Variants in NR3C2 observed in about 807,000 individuals in gnomAD.
NR3C2 encodes the protein mineralocorticoid receptor.
NR3C2 carries 15 observed loss-of-function variants against 86.4 expected under a neutral mutation model. The observed-to-expected ratio is 0.17, with a 90% CI of 0.12 to 0.27. NR3C2 has a LOEUF of 0.27. Ranked by LOEUF, NR3C2 falls within the 10% of genes least tolerant of loss-of-function variation. The pLI, the probability that NR3C2 is intolerant of heterozygous loss-of-function variation, is 1.00. For missense variants in NR3C2, 960 were observed against 1,195.6 expected (o/e 0.80, Z 2.91); for synonymous variants, 458 against 450.5 (o/e 1.02, Z -0.21).
chr4:148,295,718 C>G lies in NR3C2; in HGVS notation c.1758-35601G>C, dbSNP rs1156666320. ...ACATGTCTACTGCCTCCCATTAGAA[C>G]CTAAGCTCAATCAGGATGGGAATTA... is the stretch of plus-strand genomic sequence containing the variant. On this transcript the variant is annotated intron_variant, in intron 2 of 8. Transcript: ENST00000358102. Among the ~76,000 whole-genome samples, 7 of 151,674 alleles carry G rather than the reference C, an allele frequency of 4.6e-5. No homozygotes were observed. In the East Asian group the frequency reaches 1.4e-3, roughly 29 times the overall value.
chr4:148,300,649 A>T (rs1042671881), intron 2 of NR3C2, among the ~76,000 whole-genome samples: 1 of 143,000 alleles, frequency 7.0e-6, no homozygotes, highest in Non-Finnish European at 1.5e-5. Context: ...GCAATGACGC[A>T]ATCTCCTCCA....
chr4:148,413,485 A>G (rs1748816993), intron 2 of NR3C2, among the ~76,000 whole-genome samples: 1 of 152,068 alleles, frequency 6.6e-6, no homozygotes, highest in Admixed American at 6.6e-5. Flanking sequence ...TAAAAATTGA[A>G]ATTTTGATGA....
intron 2 of NR3C2, among the ~76,000 whole-genome samples, chr4:148,369,642 T>C (rs937930521): frequency 2.0e-5 from 3 of 152,192 alleles, no homozygotes; most frequent in African/African-American, 7.2e-5. Flanking sequence ...TCTCTTCATT[T>C]TAAAGTATAA....
chr4:148,139,320 G>A (rs28367185), intron 6 of NR3C2, among the ~76,000 whole-genome samples: 28,225 of 152,086 alleles, frequency 0.19, 3,815 homozygotes, highest in African/African-American at 0.38. Context: ...ATCTTTAAAA[G>A]CAGGATCATA....
At chr4:148,100,377 C>A (rs545816315) in intron 8 of NR3C2, among the ~76,000 whole-genome samples, 8 of 151,948 alleles carry the variant, frequency 5.3e-5, no homozygotes, top group Non-Finnish European at 1.2e-4. Context: ...TACAGCTCAA[C>A]AACAAAAAAA....
At chr4:148,125,698 A>G (rs2149738071) in intron 6 of NR3C2, among the ~76,000 whole-genome samples, 1 of 152,322 alleles carries the variant, frequency 6.6e-6, no homozygotes, top group Non-Finnish European at 1.5e-5. Flanking sequence ...TCCATGTCTA[A>G]CTTTTGTAAA....
Position 148,079,409 on chromosome 4 carries a change from T to G in NR3C2, c.*1935A>C, listed in dbSNP as rs927714503. Reference sequence around the variant, plus strand: ...GAAAGACAAGGTAATGTTGCCTGCATGGTGAACCCTGGAGAAAAGTGTTGA... The same window carrying G: ...GAAAGACAAGGTAATGTTGCCTGCAGGGTGAACCCTGGAGAAAAGTGTTGA... On this transcript the variant is annotated 3_prime_UTR_variant, in exon 9 of 9. Transcript: ENST00000358102. 7 of 152,368 alleles carry G rather than the reference T, an allele frequency of 4.6e-5. No individual in the cohort carries two copies. The highest frequency in any genetic ancestry group is 1.3e-4 in the Admixed American group (2 of 15,286). 9.4% of individuals were successfully genotyped at this position (152,368 alleles called of 1,614,324 possible).
chr4:148,317,086 C>T (rs1219870627), intron 2 of NR3C2, among the ~76,000 whole-genome samples: 3 of 152,120 alleles, frequency 2.0e-5, no homozygotes, highest in African/African-American at 7.2e-5. Flanking sequence ...AGCCACTGTG[C>T]CCAGGCCACC....
At chr4:148,444,276 G>A (rs560730605), upstream of NR3C2, 21 of 985,428 alleles carry the variant, frequency 2.1e-5, no homozygotes, top group African/African-American at 3.5e-4. Context: ...GTCTTGCCCT[G>A]GATCTCAGCT....
In NR3C2 at chr4:148,154,576, G is replaced by A. The variant is rs745311372; in HGVS notation, c.2340C>T (p.Val780=). The A allele has an allele frequency of 5.0e-6, 8 of 1,614,156 alleles. No individual in the cohort carries two copies. The highest frequency in any genetic ancestry group is 4.5e-5 in the East Asian group (2 of 44,872). Reference sequence around the variant, plus strand: ...CTGGAAGTACCTTTGCCCACTTCACGACTTGGATCATCTGTTTGCCTGCTA... The same window carrying A: ...CTGGAAGTACCTTTGCCCACTTCACAACTTGGATCATCTGTTTGCCTGCTA... ...NRLAGKQMIQ[V]VKWAKVLPGF... Residue 780 remains valine (V), a synonymous_variant, in exon 5 of 9, where the codon GTC becomes GTT. Transcript: ENST00000358102.
Position 148,123,554 on chromosome 4 carries a change from G to C in NR3C2, c.2511-3266C>G, listed in dbSNP as rs1347350160. On this transcript the variant is annotated intron_variant, in intron 6 of 8. Coordinates refer to ENST00000358102, the MANE Select transcript of NR3C2 (RefSeq NM_000901.5). ...CCTTAATAAAACTTGCTGGTTTTGA[G>C]GCTCAGGTGGGCATCATGATCCTAC... Among the ~76,000 whole-genome samples the C allele has an allele frequency of 2.6e-5, 4 of 152,182 alleles. No homozygotes were observed. The East Asian group carries it at 5.8e-4, about 22-fold the overall frequency.
intron 3 of NR3C2, among the ~76,000 whole-genome samples, chr4:148,242,490 G>A (rs1196817116): frequency 6.6e-6 from 1 of 152,162 alleles, no homozygotes; most frequent in African/African-American, 2.4e-5. Flanking sequence ...ACTAAACTGT[G>A]AGCCACATGT....
chr4:148,225,703 A>G (rs532009264), intron 3 of NR3C2, among the ~76,000 whole-genome samples: 5 of 152,324 alleles, frequency 3.3e-5, no homozygotes, highest in Admixed American at 6.5e-5. Flanking sequence ...TAAGTTGCAG[A>G]AAAATGTCAC....
At chr4:148,097,262 C>T (rs1157558519) in intron 8 of NR3C2, among the ~76,000 whole-genome samples, 1 of 152,186 alleles carries the variant, frequency 6.6e-6, no homozygotes, top group Non-Finnish European at 1.5e-5. Context: ...GCTGTTCCTT[C>T]AGGAGTCATT....
chr4:148,212,860 C>A (rs1019638911), intron 3 of NR3C2, among the ~76,000 whole-genome samples: 2 of 152,098 alleles, frequency 1.3e-5, no homozygotes. Context: ...TGATAGGCAT[C>A]GTGTTTATTG....
chr4:148,225,352 C>T (rs1369425254), intron 3 of NR3C2, among the ~76,000 whole-genome samples: 1 of 152,028 alleles, frequency 6.6e-6, no homozygotes, highest in Admixed American at 6.6e-5. Flanking sequence ...GTTTATCTAC[C>T]TCCTACCTAT....
chr4:148,152,677 C>T (rs1037830067), intron 5 of NR3C2, 64 bp from the exon 6 acceptor site: 35 of 1,535,284 alleles, frequency 2.3e-5, no homozygotes, highest in Non-Finnish European at 2.9e-5. Context: ...CAGGAAGATG[C>T]TTCTTAAGTC....
rs1388126527 is a variant in NR3C2 at position 148,079,117 on chromosome 4, G to C, written c.*2227C>G. 1 of 152,528 alleles carries C rather than the reference G, an allele frequency of 6.6e-6. No individual in the cohort carries two copies. The highest frequency in any genetic ancestry group is 2.4e-5 in the African/African-American group (1 of 41,456). 9.4% of individuals were successfully genotyped at this position (152,528 alleles called of 1,614,324 possible). A position where few individuals can be genotyped will look rare whatever the true frequency, so the allele number is the denominator to read the frequency against. On this transcript the variant is annotated 3_prime_UTR_variant, in exon 9 of 9. Transcript: ENST00000358102. ...CTCCATCCCAAACCTGGTTAAGTAA[G>C]TCAGAATTCCCATTTTATAAAAACT...
At chr4:148,357,276 T>A (rs1002353313) in intron 2 of NR3C2, among the ~76,000 whole-genome samples, 3 of 152,176 alleles carry the variant, frequency 2.0e-5, no homozygotes, top group Admixed American at 6.5e-5. Flanking sequence ...ACCTTTAAAA[T>A]TAGAATCCAT....
Sources: allele counts gnomAD v4.1 joint callset (sites outside exome capture counted in the v4.1 genomes callset), GRCh38; gene constraint gnomAD v4.1.1; transcripts MANE v1.5; gene names NCBI Gene and HGNC (gene_info 2026-07-23, HGNC 2026-07-21).